The following TCF4 variants were observed in gnomAD, a reference collection of about 807,000 sequenced individuals.
TCF4 encodes transcription factor 4.
Under a neutral mutation model 82.1 loss-of-function variants are expected in TCF4, and 3 were observed. That is an observed-to-expected ratio of 0.04 (90% CI 0.02 to 0.09). The LOEUF is 0.09. TCF4 is among the 10% of genes least tolerant of loss of function. The probability of loss-of-function intolerance (pLI) is 1.00; values close to 1 mark genes in which losing one functional copy is unlikely to be tolerated. For synonymous variants in TCF4, 276 were observed against 309.6 expected, an observed-to-expected ratio of 0.89 and a Z score of 1.14; for missense variants, 518 against 852.7, an observed-to-expected ratio of 0.61 and a Z score of 4.89.
chr18:55,535,538 T>C (rs2097107336), intron 3 of TCF4, among the ~76,000 whole-genome samples: 1 of 152,242 alleles, frequency 6.6e-6, no homozygotes, highest in Non-Finnish European at 1.5e-5. Flanking sequence ...ACTACCAAGC[T>C]TTAAAAATTA....
chr18:55,483,213 G>A (rs1464061567), intron 3 of TCF4, among the ~76,000 whole-genome samples: 5 of 152,120 alleles, frequency 3.3e-5, no homozygotes, highest in Non-Finnish European at 7.4e-5. Context: ...ATAAAGTTAC[G>A]AACCATTCTG....
At chr18:55,262,647 A>G (rs1034501483) in intron 11 of TCF4, among the ~76,000 whole-genome samples, 7 of 152,176 alleles carry the variant, frequency 4.6e-5, no homozygotes, top group Non-Finnish European at 8.8e-5. Flanking sequence ...ATGTGTTGTC[A>G]TCACCTTCCA....
chr18:55,443,830 A>G (rs2095481370), intron 5 of TCF4, among the ~76,000 whole-genome samples: 1 of 152,218 alleles, frequency 6.6e-6, no homozygotes, highest in South Asian at 2.1e-4. Flanking sequence ...ATGCCCTACA[A>G]TAGTAACAGG....
At chr18:55,621,656 A>AATATTATATATAAT (rs1568500880) in intron 2 of TCF4, among the ~76,000 whole-genome samples, 19 of 53,274 alleles carry the variant, frequency 3.6e-4, no homozygotes, top group African/African-American at 8.5e-4. Context: ...TACATTATAT[A>AATATTATATATAAT]ATATACATTA....
chr18:55,299,451 CT>C (rs113065305), intron 8 of TCF4, among the ~76,000 whole-genome samples: 3,798 of 116,742 alleles, frequency 0.033, 54 homozygotes, highest in Non-Finnish European at 0.042. Flanking sequence ...CATGTTTCTG[CT>C]TTTTTTTTTT....
chr18:55,611,622 G>T (rs1483297293), intron 2 of TCF4, among the ~76,000 whole-genome samples: 1 of 151,884 alleles, frequency 6.6e-6, no homozygotes, highest in Non-Finnish European at 1.5e-5. Context: ...GATAATACAA[G>T]ACACGTGTAT....
chr18:55,481,307 C>T (rs114947582), intron 3 of TCF4, among the ~76,000 whole-genome samples: 58 of 152,224 alleles, frequency 3.8e-4, no homozygotes, highest in African/African-American at 1.3e-3. Flanking sequence ...TGACCAATAA[C>T]GGCTTTTATT....
upstream of TCF4, among the ~76,000 whole-genome samples, chr18:55,591,607 T>A (rs753476114): frequency 6.6e-6 from 1 of 152,326 alleles, no homozygotes; most frequent in East Asian, 1.9e-4. Context: ...AACCTCCACC[T>A]CCCAGGTTCA....
intron 15 of TCF4, among the ~76,000 whole-genome samples, chr18:55,237,626 C>T (rs893114113): frequency 5.1e-4 from 26 of 51,036 alleles, no homozygotes; most frequent in Non-Finnish European, 9.4e-4. Flanking sequence ...CCCACCACCA[C>T]GCCGGCTAAT....
intron 3 of TCF4, among the ~76,000 whole-genome samples, chr18:55,491,018 T>C (rs1342066756): frequency 6.6e-6 from 1 of 151,580 alleles, no homozygotes; most frequent in Non-Finnish European, 1.5e-5. Context: ...CAGTTGATTA[T>C]GGGGGAAAAA....
intron 5 of TCF4, among the ~76,000 whole-genome samples, chr18:55,438,745 T>C (rs1243953998): frequency 1.3e-5 from 2 of 152,210 alleles, no homozygotes; most frequent in African/African-American, 4.8e-5. Context: ...AGCCCTCTCC[T>C]ACACACTCAG....
intron 1 of TCF4, among the ~76,000 whole-genome samples, chr18:55,634,019 A>G (rs1226425041): frequency 6.6e-6 from 1 of 152,250 alleles, no homozygotes; most frequent in Non-Finnish European, 1.5e-5. Flanking sequence ...CTGTAATCCC[A>G]GAACTTGGGG....
intron 6 of TCF4, among the ~76,000 whole-genome samples, chr18:55,372,958 T>C (rs1318848227): frequency 6.6e-6 from 1 of 151,962 alleles, no homozygotes; most frequent in Non-Finnish European, 1.5e-5. Flanking sequence ...AAATAAGATG[T>C]ATAATTCCTG....
chr18:55,480,941 T>C (rs898937089), intron 3 of TCF4, among the ~76,000 whole-genome samples: 1 of 151,962 alleles, frequency 6.6e-6, no homozygotes, highest in African/African-American at 2.4e-5. Context: ...CTGTCTCTAC[T>C]AAAAATACAA....
At chr18:55,603,833 C>G (rs1339123461) in intron 2 of TCF4, among the ~76,000 whole-genome samples, 1 of 152,180 alleles carries the variant, frequency 6.6e-6, no homozygotes, top group East Asian at 1.9e-4. Flanking sequence ...GCCAGGAGAT[C>G]ATGGCACAGC....
At chr18:55,545,958 T>G (rs2097203651) in intron 3 of TCF4, among the ~76,000 whole-genome samples, 1 of 152,228 alleles carries the variant, frequency 6.6e-6, no homozygotes, top group South Asian at 2.1e-4. Context: ...CATTCAGGGC[T>G]GCACACTGCT....
intron 3 of TCF4, among the ~76,000 whole-genome samples, chr18:55,562,940 G>A (rs561306388): frequency 6.6e-6 from 1 of 152,006 alleles, no homozygotes; most frequent in South Asian, 2.1e-4. Context: ...CACAACTACT[G>A]GAATAAAAAA....
At chr18:55,488,685 T>G (rs73960105) in intron 3 of TCF4, among the ~76,000 whole-genome samples, 1 of 152,204 alleles carries the variant, frequency 6.6e-6, no homozygotes, top group African/African-American at 2.4e-5. Flanking sequence ...CAAACGGCTG[T>G]TCAAACAGCC....
intron 3 of TCF4, among the ~76,000 whole-genome samples, chr18:55,476,935 A>C (rs1385042539): frequency 6.6e-6 from 1 of 152,198 alleles, no homozygotes; most frequent in African/African-American, 2.4e-5. Flanking sequence ...ATGTGTGTGC[A>C]TGTGCCTGTG....
Sources: gnomAD v4.1 joint callset for allele counts (sites outside exome capture counted in the v4.1 genomes callset) on GRCh38, gnomAD v4.1.1 for gene constraint, MANE v1.5 for transcripts, NCBI Gene and HGNC (gene_info 2026-07-23, HGNC 2026-07-21) for gene names.